Variants in PDE1A observed in about 807,000 individuals in gnomAD.
PDE1A encodes dual specificity calcium/calmodulin-dependent 3',5'-cyclic nucleotide phosphodiesterase 1A.
A neutral mutation model predicts 61.7 loss-of-function variants in PDE1A; 35 were observed. The observed-to-expected ratio is 0.57, with a 90% CI of 0.43 to 0.75. The LOEUF (loss-of-function observed/expected upper bound fraction) is 0.75. PDE1A is among the 30% of genes least tolerant of loss of function. The probability of loss-of-function intolerance (pLI) is 0.00; values close to 1 mark genes in which losing one functional copy is unlikely to be tolerated. For missense variants in PDE1A, 597 were observed against 630.6 expected, an observed-to-expected ratio of 0.95 and a Z score of 0.57; for synonymous variants, 232 against 213.2, an observed-to-expected ratio of 1.09 and a Z score of -0.77.
At chr2:182,563,227 A>T in the PDE1A span, among the ~76,000 whole-genome samples, 1 of 152,078 alleles carries the variant, frequency 6.6e-6, no homozygotes, top group South Asian at 2.1e-4. Context: ...ACTGCTTTAA[A>T]TGTGTCCCAG....
At chr2:182,700,721 CAAAAAA>C in the PDE1A span, among the ~76,000 whole-genome samples, 26 of 24,008 alleles carry the variant, frequency 1.1e-3, 1 homozygote, top group South Asian at 3.0e-3. Flanking sequence ...GACTCCATCT[CAAAAAA>C]AAAAAAAAAA....
At chr2:182,497,032 A>G (rs1452634724) in intron 2 of PDE1A, among the ~76,000 whole-genome samples, 1 of 152,178 alleles carries the variant, frequency 6.6e-6, no homozygotes, top group Non-Finnish European at 1.5e-5. Flanking sequence ...GTCTTACTTC[A>G]CAGAGTTTTC....
chr2:182,522,364 C>T (rs1264022258), exon 2 of PDE1A: 2 of 1,613,338 alleles, frequency 1.2e-6, no homozygotes, highest in African/African-American at 1.3e-5. Flanking sequence ...ATCTCTGTGG[C>T]ACTAGACCCC....
At chr2:182,352,442 C>T (rs1472729110) in intron 1 of PDE1A, among the ~76,000 whole-genome samples, 2 of 152,140 alleles carry the variant, frequency 1.3e-5, no homozygotes, top group African/African-American at 2.4e-5. Flanking sequence ...AAAAGGCTAA[C>T]TTCTTGGCTT....
At chr2:182,485,114 C>T (rs912866765) in intron 2 of PDE1A, among the ~76,000 whole-genome samples, 1 of 151,992 alleles carries the variant, frequency 6.6e-6, no homozygotes, top group Non-Finnish European at 1.5e-5. Flanking sequence ...TGGAATTAAC[C>T]TAAATGCCTA....
chr2:182,585,622 T>C, the PDE1A span, among the ~76,000 whole-genome samples: 2 of 152,190 alleles, frequency 1.3e-5, no homozygotes, highest in Non-Finnish European at 2.9e-5. Flanking sequence ...GACTTTGCTT[T>C]TCTCCTGGCA....
chr2:182,540,325 T>C, the PDE1A span, among the ~76,000 whole-genome samples: 2 of 139,450 alleles, frequency 1.4e-5, no homozygotes, highest in Non-Finnish European at 3.0e-5. Flanking sequence ...GACATACCAC[T>C]GCACTCCAGC....
At chr2:182,186,008 T>C (rs1685171847) in exon 13 of PDE1A, 2 of 1,614,062 alleles carry the variant, frequency 1.2e-6, no homozygotes, top group Middle Eastern at 1.7e-4. Flanking sequence ...ATAGGACCCA[T>C]CACTCATGGA....
At chr2:182,586,260 G>A in the PDE1A span, among the ~76,000 whole-genome samples, 1 of 152,130 alleles carries the variant, frequency 6.6e-6, no homozygotes, top group African/African-American at 2.4e-5. Context: ...ATGTAAAACA[G>A]CAATTAACTA....
At chr2:182,714,404 AAGAT>A in the PDE1A span, among the ~76,000 whole-genome samples, 1 of 152,288 alleles carries the variant, frequency 6.6e-6, no homozygotes, top group South Asian at 2.1e-4. Flanking sequence ...TATATTCACT[AAGAT>A]ATGATCTAGG....
chr2:182,502,179 T>C (rs1041962904), intron 2 of PDE1A, among the ~76,000 whole-genome samples: 5 of 152,202 alleles, frequency 3.3e-5, no homozygotes, highest in Admixed American at 3.3e-4. Flanking sequence ...AGTTTTCACC[T>C]ATCTATCTGC....
intron 1 of PDE1A, among the ~76,000 whole-genome samples, chr2:182,340,057 A>G (rs948054610): frequency 3.3e-5 from 5 of 152,168 alleles, no homozygotes; most frequent in African/African-American, 1.2e-4. Context: ...TGCAACTTTC[A>G]TTAAAGAACA....
the PDE1A span, among the ~76,000 whole-genome samples, chr2:182,625,736 G>A: frequency 1.3e-5 from 2 of 152,142 alleles, no homozygotes; most frequent in South Asian, 4.1e-4. Context: ...TCATATGATA[G>A]CCTAAAGCCA....
At chr2:182,265,322 A>G (rs1692556035) in intron 1 of PDE1A, among the ~76,000 whole-genome samples, 1 of 152,122 alleles carries the variant, frequency 6.6e-6, no homozygotes, top group African/African-American at 2.4e-5. Context: ...AAAAACAAAG[A>G]GTGCTTTTCT....
chr2:182,405,081 C>T (rs1559427608), intron 1 of PDE1A, among the ~76,000 whole-genome samples: 2 of 152,310 alleles, frequency 1.3e-5, no homozygotes, highest in South Asian at 4.1e-4. Flanking sequence ...TGTGCTATCA[C>T]ATATGATGGC....
intron 1 of PDE1A, among the ~76,000 whole-genome samples, chr2:182,299,019 C>G (rs532882853): frequency 2.8e-4 from 42 of 152,156 alleles, no homozygotes; most frequent in African/African-American, 9.4e-4. Flanking sequence ...AACCTATTAA[C>G]TAGGAAAGCT....
the PDE1A span, among the ~76,000 whole-genome samples, chr2:182,658,729 C>G: frequency 6.6e-6 from 1 of 152,170 alleles, no homozygotes; most frequent in African/African-American, 2.4e-5. Flanking sequence ...ATATAGCAAT[C>G]ATGTACACAA....
chr2:182,642,605 C>T, the PDE1A span, among the ~76,000 whole-genome samples: 23 of 152,184 alleles, frequency 1.5e-4, no homozygotes, highest in Middle Eastern at 3.4e-3. Flanking sequence ...CAGGCCACAC[C>T]GGTTGTTATG....
At chr2:182,630,200 T>C in the PDE1A span, among the ~76,000 whole-genome samples, 1 of 152,176 alleles carries the variant, frequency 6.6e-6, no homozygotes, top group South Asian at 2.1e-4. Context: ...TAGTTTATAC[T>C]TATAATCTTG....
Sources: gnomAD v4.1 joint callset for allele counts (sites outside exome capture counted in the v4.1 genomes callset) on GRCh38, gnomAD v4.1.1 for gene constraint, MANE v1.5 for transcripts, NCBI Gene and HGNC (gene_info 2026-07-23, HGNC 2026-07-21) for gene names.